Variants in PDE12 observed in about 807,000 individuals in gnomAD.
PDE12 encodes phosphodiesterase 12, also known as 2',5'-phosphodiesterase 12.
In PDE12, 26 loss-of-function variants were observed where a neutral mutation model predicts 45.4. The ratio of observed to expected loss-of-function variants is 0.57; its 90% CI spans 0.42 to 0.79. The LOEUF (loss-of-function observed/expected upper bound fraction) is 0.79, where lower values mean the gene tolerates loss of function less well. Ranked by LOEUF, PDE12 falls within the 30% of genes least tolerant of loss-of-function variation. The pLI, the probability that PDE12 is intolerant of heterozygous loss-of-function variation, is 0.00. For missense variants in PDE12, 668 were observed against 790.0 expected, an observed-to-expected ratio of 0.85 and a Z score of 1.85; for synonymous variants, 283 against 323.9, an observed-to-expected ratio of 0.87 and a Z score of 1.36.
the PDE12 span, among the ~76,000 whole-genome samples, chr3:57,629,678 ATT>A: frequency 1.2e-4 from 16 of 136,432 alleles, no homozygotes; most frequent in East Asian, 2.1e-4. Flanking sequence ...CGCCCGGCTA[ATT>A]TTTTTTTTTT....
the PDE12 span, among the ~76,000 whole-genome samples, chr3:57,589,714 T>C: frequency 1.3e-5 from 2 of 150,534 alleles, no homozygotes; most frequent in Non-Finnish European, 3.0e-5. Context: ...CGAGACTCCG[T>C]CTCAAAAAAA....
the PDE12 span, among the ~76,000 whole-genome samples, chr3:57,587,415 T>A: frequency 2.5e-3 from 381 of 151,844 alleles, 5 homozygotes; most frequent in African/African-American, 8.7e-3. Flanking sequence ...TCATTTTAAA[T>A]TATACAAAAG....
At chr3:57,590,089 CAATAAATAAATA>C in the PDE12 span, among the ~76,000 whole-genome samples, 536 of 135,200 alleles carry the variant, frequency 4.0e-3, 6 homozygotes, top group Middle Eastern at 0.015. Context: ...GACTCTGTCT[CAATAAATAAATA>C]AATAAATAAA....
chr3:57,560,073 A>G lies in PDE12; in HGVS notation c.*69A>G. 3 of 1,521,950 alleles carry G rather than the reference A, an allele frequency of 2.0e-6. No homozygotes were observed. Among genetic ancestry groups the G allele is most frequent in the Non-Finnish European group, 2.6e-6 (3 of 1,144,368 alleles). 94.3% of individuals were successfully genotyped at this position (1,521,950 alleles called of 1,614,324 possible). A position where few individuals can be genotyped will look rare whatever the true frequency, so the allele number is the denominator to read the frequency against. Reference sequence around the variant, plus strand: ...TTTAGCAGAAAATTTAATATGAATCAAAGCTTATATGTAAACTTCAAGGAG... The same window carrying G: ...TTTAGCAGAAAATTTAATATGAATCGAAGCTTATATGTAAACTTCAAGGAG... On this transcript the variant is annotated 3_prime_UTR_variant, in exon 3 of 3. Transcript: ENST00000311180.
the PDE12 span, among the ~76,000 whole-genome samples, chr3:57,586,992 C>T: frequency 2.0e-5 from 3 of 152,016 alleles, no homozygotes; most frequent in East Asian, 3.9e-4. Context: ...CAGTTATCAC[C>T]GGAGGTCCAA....
rs2069786874 is a variant in PDE12, at chr3:57,566,389, C to T, written c.*6385C>T. 2.0e-5 allele frequency: 3 copies of T among 152,170 alleles called. No homozygotes were observed. Among genetic ancestry groups the T allele is most frequent in the African/African-American group, 7.2e-5 (3 of 41,428 alleles). 9.4% of individuals were successfully genotyped at this position (152,170 alleles called of 1,614,324 possible). A position where few individuals can be genotyped will look rare whatever the true frequency, so the allele number is the denominator to read the frequency against. On this transcript the variant is annotated 3_prime_UTR_variant, in exon 3 of 3. Transcript: ENST00000311180. ...ATTTGTCCATTCATTAGTTGACAGACATTTGAATTGCTTCCACTTCCTGGC... is the reference window on the plus strand; with the variant it reads ...ATTTGTCCATTCATTAGTTGACAGATATTTGAATTGCTTCCACTTCCTGGC...
At chr3:57,576,829 T>A in the PDE12 span, among the ~76,000 whole-genome samples, 16 of 152,134 alleles carry the variant, frequency 1.1e-4, no homozygotes, top group African/African-American at 3.4e-4. Context: ...TCAGAAGGAA[T>A]TCCTTATCCT....
the PDE12 span, among the ~76,000 whole-genome samples, chr3:57,632,849 A>C: frequency 2.0e-5 from 3 of 152,258 alleles, no homozygotes; most frequent in African/African-American, 7.2e-5. Context: ...CCCTGTTATC[A>C]TAGAGCTACA....
chr3:57,642,776 T>C, the PDE12 span, among the ~76,000 whole-genome samples: 14 of 151,492 alleles, frequency 9.2e-5, no homozygotes, highest in African/African-American at 2.9e-4. Context: ...AAGGCCGAGG[T>C]GGGCAGATCA....
chr3:57,653,941 CTTT>C, the PDE12 span, among the ~76,000 whole-genome samples: 185 of 75,784 alleles, frequency 2.4e-3, no homozygotes, highest in African/African-American at 0.011. Flanking sequence ...TAGAAATTCA[CTTT>C]TTTTTTTTTT....
the PDE12 span, among the ~76,000 whole-genome samples, chr3:57,604,551 C>G: frequency 3.5e-5 from 5 of 143,494 alleles, no homozygotes; most frequent in Non-Finnish European, 7.4e-5. Context: ...GAGTTAGAGT[C>G]TAGCCTGGAC....
the PDE12 span, chr3:57,577,437 A>G: frequency 1.4e-6 from 2 of 1,464,276 alleles, no homozygotes; most frequent in South Asian, 1.1e-5. Context: ...GACACTCTCT[A>G]TATGAAACAG....
At chr3:57,653,762 A>G in the PDE12 span, among the ~76,000 whole-genome samples, 1 of 150,128 alleles carries the variant, frequency 6.7e-6, no homozygotes, top group Non-Finnish European at 1.5e-5. Flanking sequence ...AAAAAAAAAA[A>G]AGGTAGCGTG....
chr3:57,617,438 C>G, the PDE12 span, among the ~76,000 whole-genome samples: 1 of 151,944 alleles, frequency 6.6e-6, no homozygotes, highest in Admixed American at 6.6e-5. Context: ...ATCATTTGAC[C>G]TAGCAATCCC....
chr3:57,608,418 C>T, the PDE12 span, among the ~76,000 whole-genome samples: 1 of 152,026 alleles, frequency 6.6e-6, no homozygotes, highest in African/African-American at 2.4e-5. Flanking sequence ...GGGCTAAATG[C>T]TCCAATTAAA....
chr3:57,607,950 T>C, the PDE12 span, among the ~76,000 whole-genome samples: 2 of 151,850 alleles, frequency 1.3e-5, no homozygotes, highest in African/African-American at 2.4e-5. Context: ...TTCACCAAAG[T>C]TGAAATGAAG....
chr3:57,605,496 C>T, the PDE12 span, among the ~76,000 whole-genome samples: 3 of 152,032 alleles, frequency 2.0e-5, no homozygotes, highest in African/African-American at 7.2e-5. Flanking sequence ...AAAGGTCTTG[C>T]CTCACTGATG....
chr3:57,614,449 A>G, the PDE12 span, among the ~76,000 whole-genome samples: 33 of 152,244 alleles, frequency 2.2e-4, no homozygotes, highest in African/African-American at 7.7e-4. Flanking sequence ...ACACTCTTCT[A>G]AATAACTCCT....
At chr3:57,579,908 C>G in the PDE12 span, among the ~76,000 whole-genome samples, 2 of 151,940 alleles carry the variant, frequency 1.3e-5, no homozygotes, top group African/African-American at 4.8e-5. Context: ...TCAAGATCAC[C>G]CTGGGCAGAG....
Sources: allele counts gnomAD v4.1 joint callset (sites outside exome capture counted in the v4.1 genomes callset), GRCh38; gene constraint gnomAD v4.1.1; transcripts MANE v1.5; gene names NCBI Gene and HGNC (gene_info 2026-07-23, HGNC 2026-07-21).